The following CAST variants were observed in gnomAD, a reference collection of about 807,000 sequenced individuals.
The protein encoded by CAST is MIR583 host.
A neutral mutation model predicts 119.6 loss-of-function variants in CAST; 76 were observed. That is an observed-to-expected ratio of 0.64 (90% confidence interval 0.53 to 0.77). CAST has a LOEUF of 0.77. Ranked by LOEUF, CAST falls within the 30% of genes least tolerant of loss-of-function variation. CAST has a pLI of 0.00. For missense variants in CAST, 953 were observed against 946.5 expected (o/e 1.01, Z -0.09); for synonymous variants, 319 against 331.6 (o/e 0.96, Z 0.41).
At chr5:96,486,468 C>A in the CAST span, among the ~76,000 whole-genome samples, 5 of 152,244 alleles carry the variant, frequency 3.3e-5, no homozygotes, top group South Asian at 6.2e-4. Context: ...TCATTGTCTA[C>A]CTTAATGAGC....
chr5:96,485,017 C>A, the CAST span, among the ~76,000 whole-genome samples: 1 of 152,106 alleles, frequency 6.6e-6, no homozygotes, highest in African/African-American at 2.4e-5. Flanking sequence ...AAGTTCTGAG[C>A]AGAACTTCTA....
At chr5:96,037,537 G>A in the CAST span, among the ~76,000 whole-genome samples, 1 of 152,132 alleles carries the variant, frequency 6.6e-6, no homozygotes, top group Admixed American at 6.6e-5. Context: ...ATTTTGCCAT[G>A]TATGTGTGGA....
chr5:96,393,494 G>A, the CAST span: 2 of 1,232,946 alleles, frequency 1.6e-6, no homozygotes, highest in African/African-American at 1.5e-5. Context: ...AATGAGGGGA[G>A]GGGAGAGAGT....
chr5:96,515,389 G>A, the CAST span, among the ~76,000 whole-genome samples: 3 of 152,006 alleles, frequency 2.0e-5, no homozygotes, highest in Middle Eastern at 3.4e-3. Flanking sequence ...TGGCACAACA[G>A]CAGTCATTTT....
At chr5:96,547,743 G>A (rs1012268485) in intron 1 of CAST, among the ~76,000 whole-genome samples, 6 of 152,256 alleles carry the variant, frequency 3.9e-5, no homozygotes, top group Middle Eastern at 3.4e-3. Context: ...TTTGACTTCC[G>A]TGCAGGCCAA....
chr5:96,369,377 G>A, the CAST span, among the ~76,000 whole-genome samples: 2 of 151,950 alleles, frequency 1.3e-5, no homozygotes, highest in African/African-American at 4.8e-5. Flanking sequence ...CTAAGTTACT[G>A]TTTTTGCTTG....
At chr5:96,202,248 A>AT in the CAST span, among the ~76,000 whole-genome samples, 3 of 152,060 alleles carry the variant, frequency 2.0e-5, 1 homozygote, top group Non-Finnish European at 1.5e-5. Flanking sequence ...AACCTAATAC[A>AT]TTTTTTTCCA....
chr5:96,270,733 C>T, the CAST span, among the ~76,000 whole-genome samples: 3 of 152,032 alleles, frequency 2.0e-5, no homozygotes, highest in Non-Finnish European at 4.4e-5. Context: ...GGAAGGAGAG[C>T]ATCAGGAAGA....
the CAST span, among the ~76,000 whole-genome samples, chr5:96,004,868 T>C: frequency 6.6e-6 from 1 of 152,172 alleles, no homozygotes; most frequent in South Asian, 2.1e-4. Context: ...AAGAGACCCT[T>C]GTAAAGCAAC....
At chr5:96,622,495 A>C (rs1378420932) in intron 1 of CAST, among the ~76,000 whole-genome samples, 1 of 152,204 alleles carries the variant, frequency 6.6e-6, no homozygotes, top group Admixed American at 6.5e-5. Context: ...GTCACTGGTG[A>C]AAGCTTCTGT....
the CAST span, chr5:96,433,120 C>A: frequency 7.4e-7 from 1 of 1,359,208 alleles, no homozygotes; most frequent in East Asian, 2.3e-5. Flanking sequence ...CAGACAGACT[C>A]CCCCTTCCCA....
chr5:96,416,756 A>G, the CAST span, among the ~76,000 whole-genome samples: 1 of 152,210 alleles, frequency 6.6e-6, no homozygotes, highest in Admixed American at 6.5e-5. Flanking sequence ...ATGCTCCTGA[A>G]ATCCCAACTG....
At chr5:96,235,568 A>G in the CAST span, among the ~76,000 whole-genome samples, 1 of 152,238 alleles carries the variant, frequency 6.6e-6, no homozygotes, top group Admixed American at 6.5e-5. Context: ...CTAATACTTG[A>G]ATTTGGGAGC....
chr5:96,241,705 C>T, the CAST span, among the ~76,000 whole-genome samples: 3 of 141,288 alleles, frequency 2.1e-5, no homozygotes, highest in African/African-American at 7.4e-5. Context: ...TCCTATTTCT[C>T]GACATCCTCT....
intron 1 of CAST, among the ~76,000 whole-genome samples, chr5:96,583,623 A>C (rs969741673): frequency 6.6e-6 from 1 of 152,228 alleles, no homozygotes; most frequent in Admixed American, 6.5e-5. Context: ...TGTCTAGCAC[A>C]TGATAAGCAT....
chr5:96,055,449 G>T, the CAST span, among the ~76,000 whole-genome samples: 1 of 152,074 alleles, frequency 6.6e-6, no homozygotes, highest in Non-Finnish European at 1.5e-5. Context: ...CTGTATTTTA[G>T]CAGTGACCAA....
the CAST span, chr5:95,961,914 C>T: frequency 2.9e-6 from 2 of 684,918 alleles, no homozygotes; most frequent in South Asian, 2.4e-5. Flanking sequence ...CCCCGCGCCC[C>T]GCCCCGGGCT....
the CAST span, among the ~76,000 whole-genome samples, chr5:96,186,489 G>T: frequency 6.6e-6 from 1 of 152,028 alleles, no homozygotes; most frequent in Admixed American, 6.6e-5. Context: ...TGGGTTTGTC[G>T]TATATGACTC....
chr5:96,220,881 C>T, the CAST span, among the ~76,000 whole-genome samples: 4 of 152,246 alleles, frequency 2.6e-5, no homozygotes, highest in African/African-American at 9.6e-5. Context: ...ACCAACATTC[C>T]GTGATGCCCT....
Sources: allele counts gnomAD v4.1 joint callset (sites outside exome capture counted in the v4.1 genomes callset), GRCh38; gene constraint gnomAD v4.1.1; transcripts MANE v1.5; gene names NCBI Gene and HGNC (gene_info 2026-07-23, HGNC 2026-07-21).